IQGAP2: variants seen among roughly 807,000 people sequenced by gnomAD.
The protein encoded by IQGAP2 is IQ motif containing GTPase activating protein 2.
A neutral mutation model predicts 201.3 loss-of-function variants in IQGAP2; 173 were observed. That is an observed-to-expected ratio of 0.86 (90% CI 0.76 to 0.98). The LOEUF (loss-of-function observed/expected upper bound fraction) is 0.98. Ranked by LOEUF, IQGAP2 falls within the 50% of genes least tolerant of loss-of-function variation. The probability of loss-of-function intolerance (pLI) is 0.00; values close to 1 mark genes in which losing one functional copy is unlikely to be tolerated. For missense variants in IQGAP2, 1,687 were observed against 1,864.8 expected, an observed-to-expected ratio of 0.90 and a Z score of 1.76; for synonymous variants, 675 against 673.9, an observed-to-expected ratio of 1.00 and a Z score of -0.03.
At chr5:76,539,594 G>A (rs1742620642) in intron 2 of IQGAP2, among the ~76,000 whole-genome samples, 1 of 152,102 alleles carries the variant, frequency 6.6e-6, no homozygotes, top group Non-Finnish European at 1.5e-5. Flanking sequence ...TACCTGGTTG[G>A]GGAAGCAGAC....
chr5:76,572,553 G>A (rs973668966), intron 4 of IQGAP2, among the ~76,000 whole-genome samples: 2 of 151,984 alleles, frequency 1.3e-5, no homozygotes, highest in Admixed American at 6.6e-5. Flanking sequence ...GTTATCAAGT[G>A]TAACCTCCCG....
intron 2 of IQGAP2, among the ~76,000 whole-genome samples, chr5:76,488,535 A>G (rs1756318067): frequency 6.6e-6 from 1 of 152,224 alleles, no homozygotes; most frequent in South Asian, 2.1e-4. Flanking sequence ...ACTTTCTAGA[A>G]TAAAATTCTT....
At chr5:76,500,281 AT>A (rs534539518) in intron 2 of IQGAP2, among the ~76,000 whole-genome samples, 115 of 152,360 alleles carry the variant, frequency 7.5e-4, no homozygotes, top group African/African-American at 2.7e-3. Flanking sequence ...GAGTGGCTGC[AT>A]TTGTTCATTG....
chr5:76,654,893 T>C, intron 19 of IQGAP2, 41 bp from the exon 20 acceptor site: 1 of 1,311,684 alleles, frequency 7.6e-7, no homozygotes, highest in Non-Finnish European at 1.1e-6. Flanking sequence ...ATGGAGTAGG[T>C]GGGACTCTGG....
intron 30 of IQGAP2, among the ~76,000 whole-genome samples, chr5:76,690,055 C>A (rs1200821104): frequency 3.3e-5 from 5 of 152,162 alleles, no homozygotes; most frequent in Non-Finnish European, 7.3e-5. Context: ...AAATTAGATA[C>A]CTCCTCATTC....
At chr5:76,652,642 G>C in intron 17 of IQGAP2, 108 bp from the exon 18 acceptor site, 1 of 804,736 alleles carries the variant, frequency 1.2e-6, no homozygotes, top group East Asian at 2.5e-5. Flanking sequence ...GAGGGTGCCT[G>C]ACAGTGTCCC....
At chr5:76,637,771 T>C (rs1751264055) in intron 16 of IQGAP2, among the ~76,000 whole-genome samples, 1 of 152,252 alleles carries the variant, frequency 6.6e-6, no homozygotes. Flanking sequence ...GATGTACCCA[T>C]GTCCAAATGT....
chr5:76,666,806 C>G (rs1743802571), intron 22 of IQGAP2, among the ~76,000 whole-genome samples: 1 of 152,188 alleles, frequency 6.6e-6, no homozygotes, highest in East Asian at 1.9e-4. Flanking sequence ...TGCAGTGGCG[C>G]AACCACAGCT....
chr5:76,424,032 G>T (rs888252350), intron 1 of IQGAP2, among the ~76,000 whole-genome samples: 2 of 152,114 alleles, frequency 1.3e-5, no homozygotes, highest in Non-Finnish European at 2.9e-5. Context: ...GATATATATT[G>T]TTCTTAAAAT....
Position 76,458,623 on chromosome 5 carries a change from G to A in IQGAP2, c.47-2947G>A, listed in dbSNP as rs1257363289. On this transcript the variant is annotated intron_variant, in intron 1 of 35. Coordinates refer to ENST00000274364, the MANE Select transcript of IQGAP2 (RefSeq NM_006633.5). Reference sequence around the variant, plus strand: ...AGTGGGCCAGGCAGAAGGTCAGAAGGCAAGGAATGGGTATGTACAAGGAAG... The same window carrying A: ...AGTGGGCCAGGCAGAAGGTCAGAAGACAAGGAATGGGTATGTACAAGGAAG... Among the ~76,000 whole-genome samples the A allele has an allele frequency of 7.9e-5, 12 of 152,264 alleles. No individual in the cohort carries two copies. In the East Asian group the frequency reaches 2.3e-3, roughly 29 times the overall value.
At chr5:76,438,023 T>TG (rs1752806360) in intron 1 of IQGAP2, among the ~76,000 whole-genome samples, 1 of 54,506 alleles carries the variant, frequency 1.8e-5, no homozygotes, top group African/African-American at 6.6e-5. Context: ...TTTTTTTTTT[T>TG]TTTTTTTGTT....
chr5:76,447,705 T>C (rs1753478184), intron 1 of IQGAP2, among the ~76,000 whole-genome samples: 1 of 152,166 alleles, frequency 6.6e-6, no homozygotes, highest in Non-Finnish European at 1.5e-5. Flanking sequence ...ACCTCTGGGC[T>C]GTTAAACCAG....
chr5:76,532,527 T>C (rs1005926797), intron 2 of IQGAP2, among the ~76,000 whole-genome samples: 4 of 152,046 alleles, frequency 2.6e-5, no homozygotes, highest in Non-Finnish European at 4.4e-5. Context: ...GCATATGATA[T>C]GGTGGTAAGA....
At chr5:76,481,976 G>T (rs1407197197) in intron 2 of IQGAP2, among the ~76,000 whole-genome samples, 1 of 152,186 alleles carries the variant, frequency 6.6e-6, no homozygotes, top group Non-Finnish European at 1.5e-5. Flanking sequence ...AGCTTTAAGA[G>T]AATAGAAACA....
intron 2 of IQGAP2, among the ~76,000 whole-genome samples, chr5:76,511,157 T>A (rs13181156): frequency 0.29 from 43,623 of 152,160 alleles, 6,797 homozygotes; most frequent in Middle Eastern, 0.49. Context: ...AAAACCTTGG[T>A]TGCGATGGTT....
intron 17 of IQGAP2, among the ~76,000 whole-genome samples, chr5:76,648,341 A>G (rs572169189): frequency 1.3e-5 from 2 of 152,296 alleles, no homozygotes; most frequent in African/African-American, 2.4e-5. Flanking sequence ...CCCACCTCCT[A>G]GTAATGAGGC....
At chr5:76,448,236 A>C (rs1464610224) in intron 1 of IQGAP2, among the ~76,000 whole-genome samples, 5 of 152,094 alleles carry the variant, frequency 3.3e-5, no homozygotes, top group African/African-American at 9.7e-5. Context: ...TTGTGGGTTA[A>C]ATGCTGTGCA....
intron 29 of IQGAP2, 37 bp downstream of exon 29, chr5:76,683,254 T>G: frequency 6.8e-7 from 1 of 1,464,794 alleles, no homozygotes; most frequent in South Asian, 1.2e-5. Context: ...CCTTGGTTTT[T>G]GTTTAATTGG....
At chr5:76,695,138 A>G (rs1746609039) in intron 31 of IQGAP2, among the ~76,000 whole-genome samples, 1 of 152,248 alleles carries the variant, frequency 6.6e-6, no homozygotes, top group Admixed American at 6.5e-5. Context: ...TAGCCTATCC[A>G]GGAATTGAAA....
Sources: allele counts gnomAD v4.1 joint callset (sites outside exome capture counted in the v4.1 genomes callset), GRCh38; gene constraint gnomAD v4.1.1; transcripts MANE v1.5; gene names NCBI Gene and HGNC (gene_info 2026-07-23, HGNC 2026-07-21).